The following SNX29 variants were observed in gnomAD, a reference collection of about 807,000 sequenced individuals.
SNX29 encodes sorting nexin 29.
A neutral mutation model predicts 102.1 loss-of-function variants in SNX29; 78 were observed. The ratio of observed to expected loss-of-function variants is 0.76; its 90% confidence interval spans 0.64 to 0.92. The LOEUF (loss-of-function observed/expected upper bound fraction) is 0.92. SNX29 is among the 40% of genes least tolerant of loss of function. The pLI is 0.00. For missense variants in SNX29, 1,280 were observed against 1,061.7 expected (o/e 1.21, Z -2.86); for synonymous variants, 580 against 414.5 (o/e 1.40, Z -4.85).
At chr16:11,983,594 G>A (rs2055478286) in intron 1 of SNX29, 1 of 951,730 alleles carries the variant, frequency 1.1e-6, no homozygotes, top group East Asian at 1.1e-4. Flanking sequence ...ATGGTGGAAT[G>A]CAAGAAGTAC....
At chr16:12,447,026 G>A (rs1055578091) in intron 18 of SNX29, among the ~76,000 whole-genome samples, 1 of 151,620 alleles carries the variant, frequency 6.6e-6, no homozygotes, top group Admixed American at 6.6e-5. Flanking sequence ...AATTAGCAGG[G>A]TGTGGTGGCA....
rs564761841 is a variant in SNX29, at chr16:12,496,845, C to G, written c.2178+18986C>G. 6.6e-5 allele frequency among the ~76,000 whole-genome samples: 10 copies of G among 152,178 alleles called. No individual in the cohort carries two copies. In the South Asian group the frequency reaches 2.1e-3, roughly 32 times the overall value. On this transcript the variant is annotated intron_variant, in intron 19 of 20. Coordinates refer to ENST00000566228, the MANE Select transcript of SNX29 (RefSeq NM_032167.5). The stretch of plus-strand genomic sequence containing the variant: ...AGCAGGTGATTTTTTTTCCTCTGAG[C>G]TTTGAATAATTAAGTAGACAAGGGA...
chr16:12,447,802 A>G (rs963586254), intron 18 of SNX29, among the ~76,000 whole-genome samples: 9 of 152,132 alleles, frequency 5.9e-5, no homozygotes, highest in Non-Finnish European at 1.2e-4. Context: ...CAAAAGCGGG[A>G]ACAGCCCCAC....
intron 15 of SNX29, among the ~76,000 whole-genome samples, chr16:12,329,681 G>A (rs2081237565): frequency 6.6e-6 from 1 of 152,172 alleles, no homozygotes; most frequent in Non-Finnish European, 1.5e-5. Context: ...ATGTTTTTCT[G>A]CTATGCGTTG....
At chr16:12,450,255 G>C (rs1361189542) in intron 18 of SNX29, among the ~76,000 whole-genome samples, 1 of 152,188 alleles carries the variant, frequency 6.6e-6, no homozygotes. Flanking sequence ...CAATTCCCAT[G>C]ATATATGGAG....
At chr16:12,210,173 G>A (rs1451124858) in intron 14 of SNX29, among the ~76,000 whole-genome samples, 1 of 152,176 alleles carries the variant, frequency 6.6e-6, no homozygotes, top group African/African-American at 2.4e-5. Context: ...TTCAGGGTGT[G>A]TGTGTGTCTT....
chr16:12,461,019 G>C (rs773176999), intron 18 of SNX29, among the ~76,000 whole-genome samples: 63 of 152,204 alleles, frequency 4.1e-4, no homozygotes, highest in Admixed American at 7.2e-4. Context: ...TAAATGTTAA[G>C]CAAAGTAGTT....
chr16:12,567,506 C>T lies in SNX29; in HGVS notation c.2319-1000C>T, dbSNP rs550187831. Among the ~76,000 whole-genome samples the T allele has an allele frequency of 2.0e-5, 3 of 152,218 alleles. No individual in the cohort carries two copies. In the South Asian group the frequency reaches 6.2e-4, roughly 32 times the overall value. ...TTTACAGATGTGATTAAGGATTGGCCAGGCACAGTGGCTCACACCTGTAAT... is the reference window on the plus strand; with the variant it reads ...TTTACAGATGTGATTAAGGATTGGCTAGGCACAGTGGCTCACACCTGTAAT... On this transcript the variant is annotated intron_variant, in intron 20 of 20. Coordinates refer to ENST00000566228, the MANE Select transcript of SNX29 (RefSeq NM_032167.5).
At chr16:11,978,928 A>C (rs2055359041) in intron 1 of SNX29, among the ~76,000 whole-genome samples, 3 of 151,596 alleles carry the variant, frequency 2.0e-5, no homozygotes, top group African/African-American at 7.3e-5. Context: ...TCGTCTCAAA[A>C]CAAACAAACA....
intron 15 of SNX29, among the ~76,000 whole-genome samples, chr16:12,340,181 C>T (rs2081571353): frequency 6.6e-6 from 1 of 152,178 alleles, no homozygotes; most frequent in South Asian, 2.1e-4. Flanking sequence ...CTTCTCCATC[C>T]TCCTCCCCTT....
intron 20 of SNX29, among the ~76,000 whole-genome samples, chr16:12,539,774 T>C (rs2077241471): frequency 6.6e-6 from 1 of 152,222 alleles, no homozygotes; most frequent in Admixed American, 6.5e-5. Flanking sequence ...TGCATTTTCC[T>C]AATGAGTAAT....
At chr16:12,520,290 T>TG (rs2090048288) in intron 19 of SNX29, among the ~76,000 whole-genome samples, 1 of 152,210 alleles carries the variant, frequency 6.6e-6, no homozygotes, top group Non-Finnish European at 1.5e-5. Flanking sequence ...AAAGCCAACC[T>TG]GGAAGTAGAA....
chr16:12,561,404 A>G (rs1170681980), intron 20 of SNX29, among the ~76,000 whole-genome samples: 1 of 152,142 alleles, frequency 6.6e-6, no homozygotes, highest in African/African-American at 2.4e-5. Flanking sequence ...CGCCACACAC[A>G]CAGATCAGTC....
chr16:12,037,472 A>T (rs2057508660), intron 4 of SNX29, among the ~76,000 whole-genome samples: 1 of 152,108 alleles, frequency 6.6e-6, no homozygotes, highest in Non-Finnish European at 1.5e-5. Context: ...AAACTTATCA[A>T]TCAAGATAAA....
At chr16:12,210,739 C>T (rs527852052) in intron 14 of SNX29, among the ~76,000 whole-genome samples, 3 of 152,022 alleles carry the variant, frequency 2.0e-5, no homozygotes, top group East Asian at 1.9e-4. Context: ...CTCCCTCCCT[C>T]ATTCCCTCCC....
At chr16:12,364,203 G>GTTATGTTATC (rs386384277) in intron 16 of SNX29, among the ~76,000 whole-genome samples, 41 of 149,348 alleles carry the variant, frequency 2.7e-4, no homozygotes, top group Middle Eastern at 3.2e-3. Flanking sequence ...GTTATGTTAT[G>GTTATGTTATC]TTATGTTATG....
chr16:12,124,371 C>G (rs954031426), intron 11 of SNX29, among the ~76,000 whole-genome samples: 7 of 139,644 alleles, frequency 5.0e-5, no homozygotes, highest in African/African-American at 1.9e-4. Context: ...AAAAAAAAAA[C>G]TGATATTCTT....
chr16:12,073,042 A>G (rs1478375536), intron 10 of SNX29, among the ~76,000 whole-genome samples: 2 of 151,922 alleles, frequency 1.3e-5, no homozygotes, highest in South Asian at 2.1e-4. Flanking sequence ...TATTGCGTCT[A>G]TTTGATTCTT....
chr16:12,027,525 G>C (rs2151118132), intron 4 of SNX29, 81 bp downstream of exon 4: 1 of 1,550,794 alleles, frequency 6.4e-7, no homozygotes, highest in Non-Finnish European at 8.7e-7. Flanking sequence ...TTAATAGTGG[G>C]CAGGGCAGTG....
Sources: allele counts gnomAD v4.1 joint callset (sites outside exome capture counted in the v4.1 genomes callset), GRCh38; gene constraint gnomAD v4.1.1; transcripts MANE v1.5; gene names NCBI Gene and HGNC (gene_info 2026-07-23, HGNC 2026-07-21).